The following LEPR variants were observed in gnomAD, a reference collection of about 807,000 sequenced individuals.
LEPR encodes OB receptor.
Under a neutral mutation model 114.7 loss-of-function variants are expected in LEPR, and 56 were observed. That is an observed-to-expected ratio of 0.49 (90% CI 0.39 to 0.61). LEPR has a LOEUF of 0.61. Ranked by LOEUF, LEPR falls within the 20% of genes least tolerant of loss-of-function variation. LEPR has a pLI of 0.00. For missense variants in LEPR, 1,202 were observed against 1,352.9 expected (o/e 0.89, Z 1.75); for synonymous variants, 443 against 461.4 (o/e 0.96, Z 0.51).
intron 2 of LEPR, among the ~76,000 whole-genome samples, chr1:65,546,508 T>C (rs1437186655): frequency 6.6e-6 from 1 of 152,204 alleles, no homozygotes; most frequent in Non-Finnish European, 1.5e-5. Flanking sequence ...TAGTTCTCCT[T>C]GAAGAGGTCC....
chr1:65,438,548 C>CAAAAA (rs1159617552), intron 2 of LEPR, among the ~76,000 whole-genome samples: 12 of 67,804 alleles, frequency 1.8e-4, no homozygotes, highest in Non-Finnish European at 2.4e-4. Flanking sequence ...GACTCTGTCT[C>CAAAAA]AAAAAAAAAA....
At chr1:65,503,305 T>C (rs1199635832) in intron 2 of LEPR, among the ~76,000 whole-genome samples, 1 of 151,962 alleles carries the variant, frequency 6.6e-6, no homozygotes, top group Non-Finnish European at 1.5e-5. Context: ...TGTATGAAAA[T>C]TGTAAAAAAA....
chr1:65,429,907 C>G, intron 2 of LEPR: 1 of 1,540,060 alleles, frequency 6.5e-7, no homozygotes, highest in Non-Finnish European at 8.9e-7. Flanking sequence ...CCATCTCCCC[C>G]ATCCCCCATT....
intron 5 of LEPR, among the ~76,000 whole-genome samples, chr1:65,581,156 C>T (rs143573738): frequency 6.6e-6 from 1 of 152,158 alleles, no homozygotes; most frequent in South Asian, 2.1e-4. Context: ...TTTGTTCACC[C>T]CTTGTCATGG....
chr1:65,613,643 C>T (rs956816016), intron 14 of LEPR, among the ~76,000 whole-genome samples: 6 of 128,796 alleles, frequency 4.7e-5, no homozygotes, highest in African/African-American at 8.4e-5. Context: ...GTCCCAGCTA[C>T]TCGGGAGGCT....
At chr1:65,574,404 A>T (rs74084047) in intron 5 of LEPR, among the ~76,000 whole-genome samples, 2,631 of 86,766 alleles carry the variant, frequency 0.03, 85 homozygotes, top group African/African-American at 0.083. Context: ...TAATAATAAT[A>T]AAAAAAATTT....
intron 2 of LEPR, chr1:65,494,170 A>G (rs1247999318): frequency 6.6e-6 from 1 of 152,186 alleles, no homozygotes; most frequent in African/African-American, 2.4e-5. Context: ...TAAGATGGCA[A>G]TAAATAACTT....
intron 2 of LEPR, among the ~76,000 whole-genome samples, chr1:65,471,489 A>C (rs1354198810): frequency 6.6e-6 from 1 of 152,232 alleles, no homozygotes; most frequent in African/African-American, 2.4e-5. Flanking sequence ...TGTAGTAATG[A>C]AACTTTGGCA....
chr1:65,610,191 A>G (rs763161804), intron 13 of LEPR, 23 bp from the exon 14 acceptor site: 3 of 1,614,084 alleles, frequency 1.9e-6, no homozygotes, highest in South Asian at 2.2e-5. Flanking sequence ...TCAAAAACAT[A>G]TACACAACTT....
Position 65,601,691 on chromosome 1 carries a change from A to G in LEPR, c.1285+9A>G. 1 of 1,613,504 alleles carries G rather than the reference A, an allele frequency of 6.2e-7. No homozygotes were observed. The highest frequency in any genetic ancestry group is 8.5e-7 in the Non-Finnish European group (1 of 1,179,646). On this transcript the variant is annotated intron_variant, in intron 9 of 19. Transcript: ENST00000349533. ...TGAATTATATGTGATTGGTAAGAAA[A>G]CAGAGGTTTTGTTCATTTTGTTCCA...
chr1:65,452,156 T>G (rs1398278256), intron 2 of LEPR, among the ~76,000 whole-genome samples: 1 of 152,208 alleles, frequency 6.6e-6, no homozygotes, highest in African/African-American at 2.4e-5. Flanking sequence ...TGAAGTTGCT[T>G]ATCAATTTAA....
chr1:65,610,513 A>G (rs1657099133), intron 14 of LEPR, among the ~76,000 whole-genome samples: 1 of 152,184 alleles, frequency 6.6e-6, no homozygotes, highest in African/African-American at 2.4e-5. Flanking sequence ...TTCACATATT[A>G]TAGTTACGTC....
chr1:65,624,015 T>C lies in LEPR; in HGVS notation c.2673+1034T>C, dbSNP rs1658043658. 2.0e-5 allele frequency among the ~76,000 whole-genome samples: 3 copies of C among 152,296 alleles called. No individual in the cohort carries two copies. The South Asian group carries it at 6.2e-4, about 32-fold the overall frequency. ...CCTTTAAGTTCCTAGATCATTGTACTGTTTTTTTAATTGTGGATAGTGCTC... is the reference window on the plus strand; with the variant it reads ...CCTTTAAGTTCCTAGATCATTGTACCGTTTTTTTAATTGTGGATAGTGCTC... On this transcript the variant is annotated intron_variant, in intron 19 of 19. Transcript: ENST00000349533.
intron 1 of LEPR, among the ~76,000 whole-genome samples, chr1:65,421,007 T>C (rs531180680): frequency 6.6e-6 from 1 of 152,248 alleles, no homozygotes; most frequent in South Asian, 2.1e-4. Flanking sequence ...GCCTGAGCCC[T>C]CGGCGAGAGC....
intron 2 of LEPR, among the ~76,000 whole-genome samples, chr1:65,471,018 G>A (rs973869860): frequency 1.3e-5 from 2 of 152,200 alleles, no homozygotes; most frequent in Admixed American, 1.3e-4. Flanking sequence ...AAGAGCTCCA[G>A]AAGTGTTCTT....
At chr1:65,427,001 A>G (rs1180291337) in intron 2 of LEPR, among the ~76,000 whole-genome samples, 1 of 151,946 alleles carries the variant, frequency 6.6e-6, no homozygotes, top group Middle Eastern at 3.2e-3. Flanking sequence ...TGTCTCCAAA[A>G]AAAAAAAAAA....
chr1:65,552,679 T>C (rs1414540368), intron 2 of LEPR, among the ~76,000 whole-genome samples: 2 of 152,186 alleles, frequency 1.3e-5, no homozygotes, highest in South Asian at 2.1e-4. Flanking sequence ...AATTTGGCAG[T>C]CTGTGTCTTT....
At chr1:65,450,789 C>G (rs1268257844) in intron 2 of LEPR, among the ~76,000 whole-genome samples, 1 of 151,734 alleles carries the variant, frequency 6.6e-6, no homozygotes, top group Non-Finnish European at 1.5e-5. Context: ...TGGGTATACA[C>G]CCAGTAATGG....
intron 2 of LEPR, among the ~76,000 whole-genome samples, chr1:65,484,085 A>G (rs1400840172): frequency 1.3e-5 from 2 of 151,928 alleles, no homozygotes; most frequent in African/African-American, 4.8e-5. Context: ...TCGAACCCCT[A>G]GCTTCAAGAG....
Sources: allele counts gnomAD v4.1 joint callset (sites outside exome capture counted in the v4.1 genomes callset), GRCh38; gene constraint gnomAD v4.1.1; transcripts MANE v1.5; gene names NCBI Gene and HGNC (gene_info 2026-07-23, HGNC 2026-07-21).